The following CFAP107 variants were observed in gnomAD, a reference collection of about 807,000 sequenced individuals.
CFAP107 encodes cilia- and flagella-associated protein 107.
the CFAP107 span, chr1:12,761,783 C>A: frequency 6.6e-6 from 1 of 152,334 alleles, no homozygotes; most frequent in Non-Finnish European, 1.5e-5. Context: ...GATCCGCCTG[C>A]CTCGGCCTCC....
chr1:12,750,807 T>C, the CFAP107 span, among the ~76,000 whole-genome samples: 1 of 151,196 alleles, frequency 6.6e-6, no homozygotes, highest in Non-Finnish European at 1.5e-5. Context: ...CAATTGGACC[T>C]GATAGGCACT....
chr1:12,748,233 A>G, the CFAP107 span, among the ~76,000 whole-genome samples: 1 of 152,270 alleles, frequency 6.6e-6, no homozygotes, highest in East Asian at 1.9e-4. Context: ...CTTGGAGCTC[A>G]GATGGGAAAA....
the CFAP107 span, among the ~76,000 whole-genome samples, chr1:12,751,613 C>A: frequency 6.6e-6 from 1 of 151,902 alleles, no homozygotes. Context: ...GGTGACAGAC[C>A]GAGACTCCAT....
At chr1:12,754,198 G>C in the CFAP107 span, among the ~76,000 whole-genome samples, 1 of 152,136 alleles carries the variant, frequency 6.6e-6, no homozygotes, top group Admixed American at 6.5e-5. Flanking sequence ...CAAGCAACCT[G>C]ATTAAAAAAT....
At chr1:12,751,139 T>C in the CFAP107 span, among the ~76,000 whole-genome samples, 11 of 151,370 alleles carry the variant, frequency 7.3e-5, no homozygotes, top group Non-Finnish European at 1.0e-4. Context: ...GAAAGTACTG[T>C]TAAGAGGGAA....
the CFAP107 span, chr1:12,759,514 C>G: frequency 6.2e-7 from 1 of 1,613,620 alleles, no homozygotes; most frequent in Non-Finnish European, 8.5e-7. Flanking sequence ...GGGTATTCCT[C>G]TGCGTTGGTC....
chr1:12,754,278 C>T, the CFAP107 span, among the ~76,000 whole-genome samples: 1 of 152,214 alleles, frequency 6.6e-6, no homozygotes, highest in Non-Finnish European at 1.5e-5. Context: ...TAAACATAGT[C>T]AACCTCACTG....
At chr1:12,753,399 C>T in the CFAP107 span, 1 of 149,714 alleles carries the variant, frequency 6.7e-6, no homozygotes, top group East Asian at 2.0e-4. Context: ...TCTCAAGAGA[C>T]TCCAAATGGC....
the CFAP107 span, among the ~76,000 whole-genome samples, chr1:12,748,749 A>G: frequency 1.3e-5 from 2 of 152,238 alleles, no homozygotes; most frequent in Non-Finnish European, 2.9e-5. Flanking sequence ...CACAAGCATC[A>G]AGGTACTAGT....
chr1:12,757,414 C>T, the CFAP107 span, among the ~76,000 whole-genome samples: 1 of 144,048 alleles, frequency 6.9e-6, no homozygotes, highest in Admixed American at 7.1e-5. Context: ...TAGAGTCTCT[C>T]TCTGTCCCCC....
At chr1:12,760,522 C>T in the CFAP107 span, among the ~76,000 whole-genome samples, 17 of 152,290 alleles carry the variant, frequency 1.1e-4, no homozygotes, top group African/African-American at 3.9e-4. Context: ...TTTTCCAAGG[C>T]CCCCGTGGCA....
chr1:12,757,499 C>T, the CFAP107 span, among the ~76,000 whole-genome samples: 18 of 151,948 alleles, frequency 1.2e-4, no homozygotes, highest in Non-Finnish European at 2.2e-4. Context: ...CTCCTTGCCT[C>T]AGCCTTCCAA....
At chr1:12,763,428 C>T in the CFAP107 span, 38 of 151,692 alleles carry the variant, frequency 2.5e-4, no homozygotes, top group Admixed American at 2.2e-3. Context: ...CAGGGAGAAT[C>T]AGGTAGGTCA....
chr1:12,757,471 T>C, the CFAP107 span, among the ~76,000 whole-genome samples: 1 of 151,954 alleles, frequency 6.6e-6, no homozygotes, highest in Non-Finnish European at 1.5e-5. Flanking sequence ...AACCTCAGCC[T>C]CCTGGGTTGG....
At chr1:12,750,241 A>G in the CFAP107 span, among the ~76,000 whole-genome samples, 1,602 of 152,336 alleles carry the variant, frequency 0.011, 17 homozygotes, top group African/African-American at 0.037. Flanking sequence ...AATATTCACA[A>G]AAGAAAATAA....
Sources: gnomAD v4.1 joint callset for allele counts (sites outside exome capture counted in the v4.1 genomes callset) on GRCh38, gnomAD v4.1.1 for gene constraint, MANE v1.5 for transcripts, NCBI Gene and HGNC (gene_info 2026-07-23, HGNC 2026-07-21) for gene names.